LRP1B: variants seen among roughly 807,000 people sequenced by gnomAD.
LRP1B encodes low-density lipoprotein receptor-related protein 1B.
A neutral mutation model predicts 556.6 loss-of-function variants in LRP1B; 217 were observed. That is an observed-to-expected ratio of 0.39 (90% CI 0.35 to 0.44). The LOEUF (loss-of-function observed/expected upper bound fraction) is 0.44, where lower values mean the gene tolerates loss of function less well. Ranked by LOEUF, LRP1B falls within the 20% of genes least tolerant of loss-of-function variation. The pLI is 1.00. For synonymous variants in LRP1B, 2,047 were observed against 1,865.8 expected, an observed-to-expected ratio of 1.10 and a Z score of -2.50; for missense variants, 5,053 against 5,620.8, an observed-to-expected ratio of 0.90 and a Z score of 3.23.
At chr2:141,064,274 T>C (rs750909687) in intron 7 of LRP1B, among the ~76,000 whole-genome samples, 1 of 151,936 alleles carries the variant, frequency 6.6e-6, no homozygotes, top group Non-Finnish European at 1.5e-5. Flanking sequence ...CTGAATCTGA[T>C]ATTCAGTAAA....
chr2:141,441,597 TTC>T lies in LRP1B; in HGVS notation c.343+38797_343+38798del, dbSNP rs145973476. ...TTTTTAAAAAGCTCACATCAGGAATTTCTGTTTAAAAATGTAAACAAATAACT... is the reference window on the plus strand; with the variant it reads ...TTTTTAAAAAGCTCACATCAGGAATTTGTTTAAAAATGTAAACAAATAACT... On this transcript the variant is annotated intron_variant, in intron 3 of 90. Coordinates refer to ENST00000389484, the MANE Select transcript of LRP1B (RefSeq NM_018557.3). 8.8e-3 allele frequency among the ~76,000 whole-genome samples: 1,333 copies of T among 152,324 alleles called. 20 individuals are homozygous for T. Among genetic ancestry groups the T allele is most frequent in the African/African-American group, 0.031 (1,270 of 41,578 alleles).
chr2:141,034,877 G>A (rs941032545), intron 11 of LRP1B, among the ~76,000 whole-genome samples: 10 of 150,492 alleles, frequency 6.6e-5, no homozygotes, highest in African/African-American at 1.7e-4. Context: ...AAAGGACTAT[G>A]ATTCATGCTG....
chr2:141,227,020 T>C (rs891464045), intron 6 of LRP1B, among the ~76,000 whole-genome samples: 16 of 152,084 alleles, frequency 1.1e-4, no homozygotes, highest in African/African-American at 3.6e-4. Context: ...CTATTCAGCA[T>C]TTCAGTGAAT....
At chr2:141,590,903 C>T (rs1687311170) in intron 2 of LRP1B, among the ~76,000 whole-genome samples, 1 of 152,132 alleles carries the variant, frequency 6.6e-6, no homozygotes, top group South Asian at 2.1e-4. Flanking sequence ...TCCTGTGTGC[C>T]TTGTCTCTCC....
intron 7 of LRP1B, among the ~76,000 whole-genome samples, chr2:141,141,094 T>C (rs893207689): frequency 1.3e-5 from 2 of 152,100 alleles, no homozygotes; most frequent in Non-Finnish European, 2.9e-5. Context: ...GTTAGTAAAA[T>C]ATAATTGTAA....
At chr2:141,032,691 TTC>T (rs1313355200) in intron 11 of LRP1B, among the ~76,000 whole-genome samples, 1 of 151,894 alleles carries the variant, frequency 6.6e-6, no homozygotes, top group East Asian at 1.9e-4. Flanking sequence ...AATCATTGTT[TTC>T]TGTTATATGA....
At chr2:140,982,334 A>G in intron 17 of LRP1B, 58 bp from the exon 18 acceptor site, 1 of 1,048,530 alleles carries the variant, frequency 9.5e-7, no homozygotes, top group Non-Finnish European at 1.5e-6. Flanking sequence ...AACATCAAGG[A>G]TATAATTAAG....
At chr2:140,978,879 G>A (rs77979162) in intron 18 of LRP1B, among the ~76,000 whole-genome samples, 49 of 152,276 alleles carry the variant, frequency 3.2e-4, no homozygotes, top group Admixed American at 1.5e-3. Flanking sequence ...GTAAAATCTG[G>A]CTATATTTCA....
chr2:141,133,667 A>T (rs369858561), intron 7 of LRP1B, among the ~76,000 whole-genome samples: 2 of 152,148 alleles, frequency 1.3e-5, no homozygotes, highest in East Asian at 3.9e-4. Context: ...TTACAAAGCC[A>T]TTAATAACTT....
intron 1 of LRP1B, among the ~76,000 whole-genome samples, chr2:142,075,460 T>C (rs1273104455): frequency 6.6e-6 from 1 of 152,098 alleles, no homozygotes; most frequent in Non-Finnish European, 1.5e-5. Flanking sequence ...GACATTTCTG[T>C]CACATCTAAT....
chr2:140,669,377 A>G (rs2105355155), intron 41 of LRP1B, among the ~76,000 whole-genome samples: 1 of 152,260 alleles, frequency 6.6e-6, no homozygotes, highest in Admixed American at 6.5e-5. Flanking sequence ...CCATATTAGG[A>G]TGGGTTAATA....
intron 23 of LRP1B, chr2:140,898,898 T>C: frequency 5.1e-6 from 2 of 392,556 alleles, no homozygotes; most frequent in Admixed American, 3.2e-5. Context: ...AAACTCATCC[T>C]CAACTGGAAG....
chr2:140,246,818 GA>G (rs1681186407), intron 87 of LRP1B, among the ~76,000 whole-genome samples: 1 of 151,432 alleles, frequency 6.6e-6, no homozygotes, highest in Non-Finnish European at 1.5e-5. Flanking sequence ...TATTTCCAAA[GA>G]AAAGCTTATG....
intron 2 of LRP1B, among the ~76,000 whole-genome samples, chr2:141,653,498 T>C (rs1361940764): frequency 6.6e-6 from 1 of 152,246 alleles, no homozygotes; most frequent in Non-Finnish European, 1.5e-5. Flanking sequence ...AATAGAACAC[T>C]GTAAATGTGT....
chr2:141,850,636 G>GTT (rs1202444801), intron 1 of LRP1B, among the ~76,000 whole-genome samples: 1 of 150,508 alleles, frequency 6.6e-6, no homozygotes, highest in African/African-American at 2.4e-5. Context: ...GTGTGTGTGT[G>GTT]TGTGTGTGTG....
intron 7 of LRP1B, among the ~76,000 whole-genome samples, chr2:141,166,260 A>G (rs192712094): frequency 1.1e-3 from 170 of 151,368 alleles, no homozygotes; most frequent in African/African-American, 3.3e-3. Flanking sequence ...TCTGCTCTCT[A>G]CGTTCTCACT....
In LRP1B at chr2:140,378,214, T is replaced by C. The variant is rs1314568770; in HGVS notation, c.10604A>G (p.Asp3535Gly). The C allele has an allele frequency of 1.2e-6, 2 of 1,613,786 alleles. No individual in the cohort carries two copies. Among genetic ancestry groups the C allele is most frequent in the Non-Finnish European group, 1.7e-6 (2 of 1,179,756 alleles). The change falls in exon 68 of 91, where the codon GAT becomes GGT. Residue 3535 changes from aspartate to glycine, a missense_variant. By Grantham distance (94) the Asp-to-Gly change is moderately conservative. Transcript: ENST00000389484. ...GCCATCTGCACAGTCAAAATCTCCA[T>C]CACACCAAAACCTTGAAGAAACACA... ...GDCVSSRFWCDGDFDCADGSD... is the reference protein window; with the variant it reads ...GDCVSSRFWCGGDFDCADGSD...
At chr2:140,336,379 G>T (rs1573811205) in intron 77 of LRP1B, among the ~76,000 whole-genome samples, 1 of 115,328 alleles carries the variant, frequency 8.7e-6, no homozygotes, top group Non-Finnish European at 1.8e-5. Flanking sequence ...GTTATGGATA[G>T]TTTAGTACTT....
At chr2:141,270,264 C>T (rs900462724) in intron 3 of LRP1B, among the ~76,000 whole-genome samples, 2 of 151,984 alleles carry the variant, frequency 1.3e-5, no homozygotes, top group Admixed American at 6.6e-5. Context: ...TATTATTAAA[C>T]AAAACTAAAC....
Sources: gnomAD v4.1 joint callset for allele counts (sites outside exome capture counted in the v4.1 genomes callset) on GRCh38, gnomAD v4.1.1 for gene constraint, MANE v1.5 for transcripts, NCBI Gene and HGNC (gene_info 2026-07-23, HGNC 2026-07-21) for gene names.